Variants in PARP16 observed in about 807,000 individuals in gnomAD.
The protein encoded by PARP16 is protein mono-ADP-ribosyltransferase PARP16.
A neutral mutation model predicts 35.0 loss-of-function variants in PARP16; 31 were observed. The observed-to-expected ratio is 0.88, with a 90% CI of 0.66 to 1.19. The LOEUF (loss-of-function observed/expected upper bound fraction) is 1.19. Ranked by LOEUF, PARP16 falls within the 50% of genes most tolerant of loss-of-function variation. The pLI is 0.00. For synonymous variants in PARP16, 162 were observed against 169.5 expected (o/e 0.96, Z 0.34); for missense variants, 424 against 411.2 (o/e 1.03, Z -0.27).
At chr15:65,272,902 A>G (rs2090135315) in intron 1 of PARP16, among the ~76,000 whole-genome samples, 1 of 151,854 alleles carries the variant, frequency 6.6e-6, no homozygotes, top group East Asian at 1.9e-4. Flanking sequence ...TTCCATTTAC[A>G]TTTCTCCCCA....
chr15:65,243,580 G>T (rs62012525), intron 3 of PARP16, among the ~76,000 whole-genome samples: 1 of 152,096 alleles, frequency 6.6e-6, no homozygotes, highest in Non-Finnish European at 1.5e-5. Flanking sequence ...TTGGTATCAG[G>T]GTAAGGCTGG....
At chr15:65,240,313 G>GTGT (rs36061056) in intron 3 of PARP16, among the ~76,000 whole-genome samples, 3,320 of 92,458 alleles carry the variant, frequency 0.036, 90 homozygotes, top group Admixed American at 0.071. Flanking sequence ...TGTGTGTGGT[G>GTGT]GGGGGGGCTA....
At chr15:65,247,289 C>G (rs1162692285) in intron 3 of PARP16, among the ~76,000 whole-genome samples, 2 of 152,182 alleles carry the variant, frequency 1.3e-5, no homozygotes, top group Non-Finnish European at 2.9e-5. Context: ...ACCGCCACAC[C>G]TGGCCCATGC....
chr15:65,239,469 A>AGAG (rs2088986781), intron 3 of PARP16, among the ~76,000 whole-genome samples: 2 of 145,860 alleles, frequency 1.4e-5, no homozygotes, highest in South Asian at 4.3e-4. Context: ...AAAAGAAAAA[A>AGAG]AAAAGAAAAG....
chr15:65,237,176 C>A (rs2088906215), intron 3 of PARP16, among the ~76,000 whole-genome samples: 1 of 152,120 alleles, frequency 6.6e-6, no homozygotes, highest in Non-Finnish European at 1.5e-5. Flanking sequence ...GACTCTCCCA[C>A]ACAGGCTGAA....
intron 4 of PARP16, among the ~76,000 whole-genome samples, chr15:65,262,238 T>G (rs1437447205): frequency 2.0e-5 from 3 of 151,670 alleles, no homozygotes; most frequent in African/African-American, 4.8e-5. Flanking sequence ...GATCAAGCGA[T>G]TCTCATGACT....
Position 65,279,587 on chromosome 15 carries a change from C to T in PARP16, c.174+6666G>A, listed in dbSNP as rs2140962753. ...TGTGTACTTTTTCTCCTCCACTGTT[C>T]AGATGCCATCTTTGAGAGGAGCAGA... On this transcript the variant is annotated intron_variant, in intron 1 of 5. Transcript: ENST00000649807. Among the ~76,000 whole-genome samples, 4 of 152,146 alleles carry T rather than the reference C, an allele frequency of 2.6e-5. No homozygotes were observed. In the Middle Eastern group the frequency reaches 0.01, roughly 388 times the overall value.
rs1350165776 is a variant in PARP16 at position 65,280,282 on chromosome 15, CA to C, written c.174+5970del. On this transcript the variant is annotated intron_variant, in intron 1 of 5. Coordinates refer to ENST00000649807, the MANE Select transcript of PARP16 (RefSeq NM_001316943.2). ...TGAAACCCCATCTCTACTAAAAATA[CA>C]AAAATTAGCCAGGCTTAGTGGTATG... is the stretch of plus-strand genomic sequence containing the variant. 2.0e-4 allele frequency among the ~76,000 whole-genome samples: 31 copies of C among 151,652 alleles called. 1 individual carries two copies. The South Asian group carries it at 4.4e-3, about 21-fold the overall frequency.
chr15:65,268,857 C>G (rs987975774), intron 2 of PARP16, among the ~76,000 whole-genome samples: 2 of 152,098 alleles, frequency 1.3e-5, no homozygotes, highest in African/African-American at 4.8e-5. Flanking sequence ...CAGGTTCAAG[C>G]GATTCTCCTA....
At chr15:65,266,860 T>C (rs2089909973) in intron 2 of PARP16, 92 bp from the exon 3 acceptor site, 6 of 860,694 alleles carry the variant, frequency 7.0e-6, no homozygotes, top group African/African-American at 1.7e-5. Flanking sequence ...TTAACTCCCA[T>C]GGACTCTGCT....
intron 3 of PARP16, among the ~76,000 whole-genome samples, chr15:65,236,571 A>G (rs1488111013): frequency 1.3e-5 from 2 of 152,232 alleles, no homozygotes. Context: ...GTATGTCTTG[A>G]GACAGCTAGC....
intron 1 of PARP16, among the ~76,000 whole-genome samples, chr15:65,273,171 G>C (rs1006886102): frequency 1.3e-5 from 2 of 149,908 alleles, no homozygotes; most frequent in Non-Finnish European, 3.0e-5. Context: ...CCAGCTACTC[G>C]GGAGGCCAAG....
At chr15:65,286,188 C>T (rs1051487999) in intron 1 of PARP16, 65 bp downstream of exon 1, 7 of 1,310,040 alleles carry the variant, frequency 5.3e-6, no homozygotes, top group Non-Finnish European at 6.1e-6. Context: ...ACTGCCTCTA[C>T]CTGTGGTTCC....
intron 4 of PARP16, among the ~76,000 whole-genome samples, chr15:65,261,429 G>A (rs1265739903): frequency 6.8e-6 from 1 of 147,994 alleles, no homozygotes; most frequent in Non-Finnish European, 1.5e-5. Context: ...CTGTTAAGAG[G>A]CGTTTTATAT....
At chr15:65,234,512 G>A (rs150661013) in exon 4 of PARP16, 1 of 152,334 alleles carries the variant, frequency 6.6e-6, no homozygotes, top group Non-Finnish European at 1.5e-5. Flanking sequence ...ATTGGCTCCT[G>A]TTCCAGCTGT....
At chr15:65,246,122 C>A (rs991294916) in intron 3 of PARP16, among the ~76,000 whole-genome samples, 2 of 152,154 alleles carry the variant, frequency 1.3e-5, no homozygotes, top group African/African-American at 4.8e-5. Flanking sequence ...TCTCTCAGGG[C>A]CTCGGCCACC....
In PARP16 at chr15:65,261,142, T is replaced by C. The variant is rs1032551832; in HGVS notation, c.692-116A>G. On this transcript the variant is annotated intron_variant, in intron 4 of 5. Coordinates refer to ENST00000649807, the MANE Select transcript of PARP16 (RefSeq NM_001316943.2). ...TGAGGGGGAAGAAGGCCTGGCAGGC[T>C]GAGGAACAGACCTGTGTGTGCATGA... 7.7e-6 allele frequency: 7 copies of C among 905,076 alleles called. No homozygotes were observed. In the Admixed American group the frequency reaches 1.4e-4, roughly 18 times the overall value. 56.1% of individuals were successfully genotyped at this position (905,076 alleles called of 1,614,324 possible). A position where few individuals can be genotyped will look rare whatever the true frequency, so the allele number is the denominator to read the frequency against.
chr15:65,261,033 A>G lies in PARP16; in HGVS notation c.692-7T>C. The G allele has an allele frequency of 6.2e-7, 1 of 1,612,732 alleles. No individual in the cohort carries two copies. The highest frequency in any genetic ancestry group is 1.3e-5 in the African/African-American group (1 of 74,994). ...CGATCTATCTCCTTGGAATCTGAAT[A>G]AGGAGAGTAAAACACATCTTCACTG... On this transcript the variant is annotated splice_polypyrimidine_tract_variant and splice_region_variant and intron_variant, in intron 4 of 5. Transcript: ENST00000649807.
downstream of PARP16, among the ~76,000 whole-genome samples, chr15:65,255,575 G>A (rs995111766): frequency 6.6e-5 from 10 of 151,564 alleles, no homozygotes; most frequent in East Asian, 1.9e-4. Context: ...ATATCAAAAC[G>A]TACCTGCTAT....
Sources: gnomAD v4.1 joint callset for allele counts (sites outside exome capture counted in the v4.1 genomes callset) on GRCh38, gnomAD v4.1.1 for gene constraint, MANE v1.5 for transcripts, NCBI Gene and HGNC (gene_info 2026-07-23, HGNC 2026-07-21) for gene names.